C2CD3: variants seen among roughly 807,000 people sequenced by gnomAD.
The protein encoded by C2CD3 is C2 domain containing 3 centriole elongation regulator, also known as C2 domain-containing protein 3.
C2CD3 carries 148 observed loss-of-function variants against 234.0 expected under a neutral mutation model. The observed-to-expected ratio is 0.63, with a 90% CI of 0.55 to 0.72. The LOEUF is 0.72. C2CD3 is among the 30% of genes least tolerant of loss of function. The probability of loss-of-function intolerance (pLI) is 0.00; values close to 1 mark genes in which losing one functional copy is unlikely to be tolerated. For missense variants in C2CD3, 2,577 were observed against 2,811.5 expected, an observed-to-expected ratio of 0.92 and a Z score of 1.89; for synonymous variants, 1,000 against 1,035.4, an observed-to-expected ratio of 0.97 and a Z score of 0.66.
intron 24 of C2CD3, among the ~76,000 whole-genome samples, chr11:74,071,144 C>G (rs1954769766): frequency 6.6e-6 from 1 of 152,204 alleles, no homozygotes; most frequent in Admixed American, 6.5e-5. Context: ...GTTTGTTTAT[C>G]CCAGCACTGT....
intron 12 of C2CD3, among the ~76,000 whole-genome samples, chr11:74,107,064 G>A (rs1178788493): frequency 2.6e-5 from 4 of 152,328 alleles, no homozygotes; most frequent in Non-Finnish European, 5.9e-5. Context: ...GCCCATGCCT[G>A]TAATCCCAGC....
intron 5 of C2CD3, among the ~76,000 whole-genome samples, chr11:74,134,496 C>T (rs1036193187): frequency 6.6e-6 from 1 of 152,098 alleles, no homozygotes; most frequent in African/African-American, 2.4e-5. Flanking sequence ...CACAGTGTTC[C>T]AGCCTGGGCA....
At chr11:74,068,996 C>A (rs1954675399) in intron 24 of C2CD3, among the ~76,000 whole-genome samples, 1 of 152,150 alleles carries the variant, frequency 6.6e-6, no homozygotes, top group Non-Finnish European at 1.5e-5. Flanking sequence ...AAGGGTTTCA[C>A]CATGTTGGCC....
At chr11:74,103,068 T>C (rs1956373014) in intron 14 of C2CD3, 63 bp downstream of exon 14, 2 of 1,445,000 alleles carry the variant, frequency 1.4e-6, no homozygotes, top group Non-Finnish European at 9.4e-7. Context: ...GAAATAATAA[T>C]TTGGGAGGCA....
At chr11:74,070,922 C>T (rs775536071) in intron 24 of C2CD3, 1 of 152,164 alleles carries the variant, frequency 6.6e-6, no homozygotes, top group Non-Finnish European at 1.5e-5. Flanking sequence ...GCTCCTCCTC[C>T]TTCAAGAGTA....
Position 74,042,100 on chromosome 11 carries a change from T to C in C2CD3, c.5614A>G (p.Thr1872Ala). 1 of 1,613,646 alleles carries C rather than the reference T, an allele frequency of 6.2e-7. No homozygotes were observed. Among genetic ancestry groups the C allele is most frequent in the Non-Finnish European group, 8.5e-7 (1 of 1,179,886 alleles). ...EAPLPCDDKL[T>A]TSPLSSQTSI... ...GTTTGGGAGGACAAAGGTGATGTGG[T>C]CAGTTTGTCATCACATGGCAAGGGT... Residue 1872 changes from threonine (T) to alanine (A), a missense_variant, in exon 29 of 33, where the codon ACC becomes GCC. Transcript: ENST00000334126.
chr11:74,139,500 C>T (rs1437625508), intron 4 of C2CD3, 105 bp downstream of exon 4: 1 of 860,628 alleles, frequency 1.2e-6, no homozygotes. Context: ...GAGGACTGTG[C>T]CTCTCTCTGC....
chr11:74,059,905 G>A (rs757938015), intron 24 of C2CD3, among the ~76,000 whole-genome samples: 1 of 152,132 alleles, frequency 6.6e-6, no homozygotes, highest in Admixed American at 6.5e-5. Flanking sequence ...TGGAAAATCA[G>A]GATACTCCCA....
intron 3 of C2CD3, among the ~76,000 whole-genome samples, chr11:74,158,317 A>T (rs1565355405): frequency 6.6e-6 from 1 of 152,186 alleles, no homozygotes; most frequent in African/African-American, 2.4e-5. Flanking sequence ...TATATAAGAA[A>T]CTCTAACAAT....
At chr11:74,076,240 A>G (rs1955034201) in intron 23 of C2CD3, among the ~76,000 whole-genome samples, 1 of 152,228 alleles carries the variant, frequency 6.6e-6, no homozygotes, top group Non-Finnish European at 1.5e-5. Flanking sequence ...TGTTAGGTCC[A>G]GAAAGAACCA....
intron 29 of C2CD3, among the ~76,000 whole-genome samples, chr11:74,038,516 G>A (rs1160623755): frequency 6.6e-6 from 1 of 152,124 alleles, no homozygotes; most frequent in Non-Finnish European, 1.5e-5. Flanking sequence ...CCAGAGCAGG[G>A]AGCAGTATGT....
chr11:74,035,440 T>A (rs1395238852), intron 30 of C2CD3, among the ~76,000 whole-genome samples: 2 of 152,236 alleles, frequency 1.3e-5, no homozygotes, highest in East Asian at 3.8e-4. Flanking sequence ...GATTGCTACA[T>A]GGCTTTGTTC....
intron 31 of C2CD3, among the ~76,000 whole-genome samples, chr11:74,031,454 T>C (rs1952519554): frequency 6.6e-6 from 1 of 152,220 alleles, no homozygotes; most frequent in Non-Finnish European, 1.5e-5. Flanking sequence ...TTTCCTTGTC[T>C]CTATTGCACA....
chr11:74,021,752 T>G (rs2135402499), intron 32 of C2CD3, among the ~76,000 whole-genome samples: 1 of 152,288 alleles, frequency 6.6e-6, no homozygotes, highest in Admixed American at 6.5e-5. Context: ...AAGATCTGAT[T>G]AGAGTGTGAT....
intron 11 of C2CD3, among the ~76,000 whole-genome samples, chr11:74,112,287 G>A (rs1956777368): frequency 6.6e-6 from 1 of 152,004 alleles, no homozygotes; most frequent in Admixed American, 6.6e-5. Context: ...GAGAACCAAG[G>A]CAAAGCTATC....
chr11:74,128,520 AG>A (rs1957493483), intron 7 of C2CD3: 2 of 152,238 alleles, frequency 1.3e-5, no homozygotes, highest in Non-Finnish European at 2.9e-5. Context: ...TCTTCCATTT[AG>A]CTGTTTGATA....
intron 2 of C2CD3, chr11:74,168,122 T>G (rs942723564): frequency 8.2e-6 from 4 of 490,770 alleles, no homozygotes; most frequent in African/African-American, 5.8e-5. Context: ...TACCTATCTT[T>G]CAGGGTTATT....
intron 32 of C2CD3, among the ~76,000 whole-genome samples, chr11:74,016,036 T>TA (rs946651031): frequency 1.3e-5 from 2 of 152,116 alleles, no homozygotes; most frequent in Non-Finnish European, 2.9e-5. Context: ...ATGATCATGC[T>TA]ACTGCACTCC....
chr11:74,053,399 T>A (rs1953792049), intron 26 of C2CD3, among the ~76,000 whole-genome samples: 1 of 152,158 alleles, frequency 6.6e-6, no homozygotes, highest in Admixed American at 6.5e-5. Flanking sequence ...GATATGTAAA[T>A]ATGCACAGAT....
Sources: allele counts gnomAD v4.1 joint callset (sites outside exome capture counted in the v4.1 genomes callset), GRCh38; gene constraint gnomAD v4.1.1; transcripts MANE v1.5; gene names NCBI Gene and HGNC (gene_info 2026-07-23, HGNC 2026-07-21).